LCTL: variants seen among roughly 807,000 people sequenced by gnomAD.
LCTL encodes lactase like.
A neutral mutation model predicts 75.8 loss-of-function variants in LCTL; 76 were observed. That is an observed-to-expected ratio of 1.00 (90% CI 0.83 to 1.21). LCTL has a LOEUF of 1.21. Among genes scored for constraint, LCTL ranks in the 50% most tolerant of loss-of-function variants. The pLI, the probability that LCTL is intolerant of heterozygous loss-of-function variation, is 0.00. For missense variants in LCTL, 670 were observed against 712.4 expected (o/e 0.94, Z 0.68); for synonymous variants, 271 against 268.8 (o/e 1.01, Z -0.08).
chr15:66,562,787 T>G (rs1258611760), intron 4 of LCTL, among the ~76,000 whole-genome samples: 1 of 152,158 alleles, frequency 6.6e-6, no homozygotes, highest in Admixed American at 6.5e-5. Context: ...TTTCACCAGG[T>G]TGGCCAGGCT....
intron 9 of LCTL, among the ~76,000 whole-genome samples, chr15:66,552,409 G>T (rs150421934): frequency 2.0e-5 from 3 of 152,156 alleles, no homozygotes; most frequent in South Asian, 2.1e-4. Flanking sequence ...GGTGGCTCAC[G>T]CCTGTAATCC....
At chr15:66,564,121 G>A in intron 2 of LCTL, 123 bp from the exon 4 acceptor site, 1 of 692,048 alleles carries the variant, frequency 1.4e-6, no homozygotes, top group South Asian at 1.6e-5. Context: ...GGAAGAACCT[G>A]CTTCCTCACC....
intron 11 of LCTL, among the ~76,000 whole-genome samples, chr15:66,551,345 CA>C (rs67322943): frequency 0.043 from 2,163 of 50,468 alleles, 24 homozygotes; most frequent in African/African-American, 0.15. Flanking sequence ...GATTCTGTCT[CA>C]AAAAAAAAAA....
In LCTL at chr15:66,564,854, C is replaced by A. The variant is rs1895985175; in HGVS notation, c.119-15G>T. 2.5e-6 allele frequency: 4 copies of A among 1,606,570 alleles called. No homozygotes were observed. Among genetic ancestry groups the A allele is most frequent in the Non-Finnish European group, 3.4e-6 (4 of 1,178,850 alleles). Reference sequence around the variant, plus strand: ...CCAGGAGAAGCCTGCAGGGGGAGACCCGTGCTGGGTCCCAGGTGCTCCCAT... The same window carrying A: ...CCAGGAGAAGCCTGCAGGGGGAGACACGTGCTGGGTCCCAGGTGCTCCCAT... On this transcript the variant is annotated splice_polypyrimidine_tract_variant and intron_variant, in intron 1 of 12. Coordinates refer to ENST00000341509, the Ensembl canonical transcript of LCTL.
chr15:66,563,916 A>T (rs1157293320), exon 3 of LCTL: 1 of 1,613,800 alleles, frequency 6.2e-7, no homozygotes, highest in South Asian at 1.1e-5. Context: ...CTCACCTCGG[A>T]TGCCTGTGGG....
At chr15:66,554,310 A>AG (rs1895692265) in intron 8 of LCTL, among the ~76,000 whole-genome samples, 1 of 149,354 alleles carries the variant, frequency 6.7e-6, no homozygotes, top group Non-Finnish European at 1.5e-5. Context: ...AAAAAAAAAA[A>AG]GTAGCTGGCT....
chr15:66,557,054 C>T (rs1158153709), intron 8 of LCTL, among the ~76,000 whole-genome samples: 1 of 152,118 alleles, frequency 6.6e-6, no homozygotes, highest in Non-Finnish European at 1.5e-5. Context: ...GGGGTTGCTG[C>T]AGTCATCTTG....
Position 66,561,223 on chromosome 15 carries a change from G to GTA in LCTL, c.572_573insTA (p.Arg192ThrfsTer3). ...TGAACGTGATCCAGTGCTTCACACG[G>GTA]TCCCCAAAGGCCTCAAAGCACAGGT... On this transcript the variant is annotated frameshift_variant, in exon 5 of 13. Coordinates refer to ENST00000341509, the Ensembl canonical transcript of LCTL. LOFTEE classifies it high-confidence loss of function. The GTA allele has an allele frequency of 6.2e-7, 1 of 1,614,236 alleles. No homozygotes were observed. The highest frequency in any genetic ancestry group is 8.5e-7 in the Non-Finnish European group (1 of 1,180,042).
At chr15:66,550,714 A>G (rs1895566813) in intron 11 of LCTL, among the ~76,000 whole-genome samples, 1 of 152,056 alleles carries the variant, frequency 6.6e-6, no homozygotes, top group African/African-American at 2.4e-5. Flanking sequence ...CTTGGCCCCA[A>G]GCAGTCCTCC....
intron 8 of LCTL, among the ~76,000 whole-genome samples, chr15:66,553,822 A>C (rs1468684173): frequency 6.6e-6 from 1 of 152,048 alleles, no homozygotes; most frequent in African/African-American, 2.4e-5. Flanking sequence ...CATCTGGAGA[A>C]AAAGTAGAGT....
chr15:66,553,398 C>A, intron 8 of LCTL, 140 bp from the exon 10 acceptor site: 1 of 658,060 alleles, frequency 1.5e-6, no homozygotes, highest in Non-Finnish European at 2.4e-6. Context: ...CCTTAGCCAT[C>A]CAAAGTGGAA....
At chr15:66,564,686 T>C in exon 2 of LCTL, 1 of 1,612,368 alleles carries the variant, frequency 6.2e-7, no homozygotes, top group Non-Finnish European at 8.5e-7. Flanking sequence ...CTGGACCTTG[T>C]AGTAGCCGTC....
At chr15:66,565,059 C>T (rs539165264) in intron 1 of LCTL, among the ~76,000 whole-genome samples, 189 bp downstream of exon 2, 5 of 151,510 alleles carry the variant, frequency 3.3e-5, no homozygotes, top group Admixed American at 2.0e-4. Flanking sequence ...GATTAGCATA[C>T]ATTATCTGTG....
At chr15:66,552,089 C>T in exon 10 of LCTL, 2 of 1,613,226 alleles carry the variant, frequency 1.2e-6, no homozygotes, top group Non-Finnish European at 1.7e-6. Flanking sequence ...GAATTCTCCA[C>T]TCATCACATA....
intron 6 of LCTL, among the ~76,000 whole-genome samples, chr15:66,559,583 C>A (rs1185929822): frequency 6.6e-6 from 1 of 151,858 alleles, no homozygotes; most frequent in Non-Finnish European, 1.5e-5. Flanking sequence ...TGGCGTATGC[C>A]TGTAATCCCA....
upstream of LCTL, chr15:66,565,587 T>G: frequency 1.9e-6 from 1 of 514,180 alleles, no homozygotes; most frequent in Non-Finnish European, 3.4e-6. Context: ...CTCCAAACTA[T>G]CCCTTCTCCC....
chr15:66,564,259 T>C (rs1326985258), intron 2 of LCTL: 1 of 537,750 alleles, frequency 1.9e-6, no homozygotes, highest in Non-Finnish European at 3.3e-6. Flanking sequence ...GGGTGATGAG[T>C]TCCTCAAGAA....
chr15:66,557,984 T>C, exon 7 of LCTL: 9 of 1,607,666 alleles, frequency 5.6e-6, no homozygotes, highest in Non-Finnish European at 7.7e-6. Context: ...CAGCTCACCT[T>C]GCTGCTTGCT....
chr15:66,554,061 G>C (rs899524476), intron 8 of LCTL, among the ~76,000 whole-genome samples: 1 of 151,998 alleles, frequency 6.6e-6, no homozygotes, highest in Admixed American at 6.6e-5. Context: ...GGAGGCCGAG[G>C]GGGGCAGATC....
Sources: allele counts gnomAD v4.1 joint callset (sites outside exome capture counted in the v4.1 genomes callset), GRCh38; gene constraint gnomAD v4.1.1; transcripts MANE v1.5; gene names NCBI Gene and HGNC (gene_info 2026-07-23, HGNC 2026-07-21).